SLC9A9: variants seen among roughly 807,000 people sequenced by gnomAD.
SLC9A9 encodes the protein solute carrier family 9 member A9.
In SLC9A9, 62 loss-of-function variants were observed where a neutral mutation model predicts 77.8. The observed-to-expected ratio is 0.80, with a 90% CI of 0.65 to 0.98. The LOEUF (loss-of-function observed/expected upper bound fraction) is 0.98. Among genes scored for constraint, SLC9A9 ranks in the 50% least tolerant of loss-of-function variants. The probability of loss-of-function intolerance (pLI) is 0.00; values close to 1 mark genes in which losing one functional copy is unlikely to be tolerated. For synonymous variants in SLC9A9, 320 were observed against 283.5 expected (o/e 1.13, Z -1.29); for missense variants, 775 against 774.9 (o/e 1.00, Z 0.00).
At chr3:143,294,466 T>C (rs1447776476) in intron 14 of SLC9A9, among the ~76,000 whole-genome samples, 1 of 152,200 alleles carries the variant, frequency 6.6e-6, no homozygotes, top group Non-Finnish European at 1.5e-5. Context: ...AGAAATCTAT[T>C]AAAAGAGCCT....
intron 9 of SLC9A9, among the ~76,000 whole-genome samples, chr3:143,549,350 C>A (rs141778286): frequency 2.3e-4 from 35 of 151,642 alleles, no homozygotes; most frequent in Non-Finnish European, 3.4e-4. Flanking sequence ...CATAGATATG[C>A]AAGTATGTAT....
At chr3:143,765,925 A>G (rs2007299172) in intron 4 of SLC9A9, among the ~76,000 whole-genome samples, 1 of 152,222 alleles carries the variant, frequency 6.6e-6, no homozygotes, top group African/African-American at 2.4e-5. Context: ...CATCTCAGCC[A>G]AAACCATGAA....
intron 12 of SLC9A9, among the ~76,000 whole-genome samples, chr3:143,400,002 T>G (rs2033815845): frequency 6.6e-6 from 1 of 152,204 alleles, no homozygotes; most frequent in Admixed American, 6.5e-5. Flanking sequence ...CAAACCTAGA[T>G]GTAGTTCATG....
In SLC9A9 at chr3:143,763,601, A is replaced by T. The variant is rs1032109849; in HGVS notation, c.533+31400T>A. 2.0e-5 allele frequency among the ~76,000 whole-genome samples: 3 copies of T among 152,140 alleles called. No individual in the cohort carries two copies. The South Asian group carries it at 6.2e-4, about 32-fold the overall frequency. On this transcript the variant is annotated intron_variant, in intron 4 of 15. Coordinates refer to ENST00000316549, the MANE Select transcript of SLC9A9 (RefSeq NM_173653.4). Reference sequence around the variant, plus strand: ...AGGTGTTACTAAAAACCTTTGAAGAACTTGTTTGTACATGCCAGATTTTCT... The same window carrying T: ...AGGTGTTACTAAAAACCTTTGAAGATCTTGTTTGTACATGCCAGATTTTCT...
intron 6 of SLC9A9, among the ~76,000 whole-genome samples, chr3:143,611,926 G>A (rs914926063): frequency 3.9e-5 from 6 of 152,138 alleles, no homozygotes; most frequent in Admixed American, 3.3e-4. Context: ...TTTAGAGATA[G>A]GGTCTCACTA....
At chr3:143,466,448 A>G (rs920046628) in intron 12 of SLC9A9, among the ~76,000 whole-genome samples, 9 of 152,222 alleles carry the variant, frequency 5.9e-5, no homozygotes, top group African/African-American at 2.2e-4. Flanking sequence ...TCAGGTTTAT[A>G]GCAATCATCT....
intron 5 of SLC9A9, among the ~76,000 whole-genome samples, chr3:143,690,801 C>T (rs1576661984): frequency 6.6e-6 from 1 of 151,980 alleles, no homozygotes; most frequent in Non-Finnish European, 1.5e-5. Context: ...GATTATTTGC[C>T]CTGCTTTTGT....
At chr3:143,604,887 T>A (rs1255038805) in intron 6 of SLC9A9, among the ~76,000 whole-genome samples, 4 of 152,190 alleles carry the variant, frequency 2.6e-5, no homozygotes, top group Admixed American at 6.5e-5. Context: ...CAATTCTTAT[T>A]CATTGCCCAC....
chr3:143,439,811 A>ACTGCCTTCC (rs772722329), intron 12 of SLC9A9, among the ~76,000 whole-genome samples: 16,877 of 152,062 alleles, frequency 0.11, 1,250 homozygotes, highest in Non-Finnish European at 0.16. Context: ...GGCAGGTGGG[A>ACTGCCTTCC]AGGAGGTGGT....
At chr3:143,411,389 G>A (rs1008571974) in intron 12 of SLC9A9, among the ~76,000 whole-genome samples, 24 of 152,072 alleles carry the variant, frequency 1.6e-4, no homozygotes, top group Non-Finnish European at 1.8e-4. Context: ...CCTTCCACCT[G>A]CTACTTCATA....
At chr3:143,566,035 C>A (rs1382892360) in intron 8 of SLC9A9, among the ~76,000 whole-genome samples, 1 of 152,066 alleles carries the variant, frequency 6.6e-6, no homozygotes, top group East Asian at 1.9e-4. Flanking sequence ...AGTTTGAAAA[C>A]AATTTTTGCC....
chr3:143,444,795 G>T (rs114233257), intron 12 of SLC9A9, among the ~76,000 whole-genome samples: 1 of 152,184 alleles, frequency 6.6e-6, no homozygotes, highest in African/African-American at 2.4e-5. Flanking sequence ...CAGAGGAAAA[G>T]GAAGAGGTAA....
intron 9 of SLC9A9, among the ~76,000 whole-genome samples, chr3:143,497,974 T>G (rs867274195): frequency 1.4e-4 from 21 of 152,232 alleles, no homozygotes; most frequent in African/African-American, 4.8e-4. Flanking sequence ...TTTTTCTATT[T>G]GTTATTGAGA....
rs143844898 is a variant in SLC9A9 at position 143,633,329 on chromosome 3, G to T, written c.755+18926C>A. Among the ~76,000 whole-genome samples, 460 of 152,230 alleles carry T rather than the reference G, an allele frequency of 3.0e-3. 2 individuals are homozygous for T. The highest frequency in any genetic ancestry group is 9.4e-3 in the African/African-American group (391 of 41,560). On this transcript the variant is annotated intron_variant, in intron 6 of 15. Coordinates refer to ENST00000316549, the MANE Select transcript of SLC9A9 (RefSeq NM_173653.4). Reference sequence around the variant, plus strand: ...CCTTAAAGATTAAGGCTATGTAAAAGTATATAGAGTAAAAACCCTTTTACT... The same window carrying T: ...CCTTAAAGATTAAGGCTATGTAAAATTATATAGAGTAAAAACCCTTTTACT...
intron 12 of SLC9A9, among the ~76,000 whole-genome samples, chr3:143,416,396 C>T (rs887239759): frequency 2.0e-5 from 3 of 152,016 alleles, no homozygotes; most frequent in Non-Finnish European, 2.9e-5. Flanking sequence ...ATGTGGCAAA[C>T]CTCATGATTG....
intron 14 of SLC9A9, among the ~76,000 whole-genome samples, chr3:143,353,979 T>C (rs757410740): frequency 1.3e-5 from 2 of 152,128 alleles, no homozygotes; most frequent in Admixed American, 6.5e-5. Context: ...AAGTATAAAA[T>C]ATTAACAAGA....
intron 5 of SLC9A9, among the ~76,000 whole-genome samples, chr3:143,666,137 C>T (rs71416647): frequency 4.6e-5 from 7 of 152,242 alleles, no homozygotes; most frequent in East Asian, 3.9e-4. Context: ...TTATCCACCA[C>T]GATCAAGTCA....
chr3:143,534,661 C>T (rs767373821), intron 9 of SLC9A9, among the ~76,000 whole-genome samples: 19 of 152,142 alleles, frequency 1.2e-4, no homozygotes, highest in Non-Finnish European at 2.6e-4. Context: ...CTGGCACCTA[C>T]CTGCGCCCCA....
intron 9 of SLC9A9, among the ~76,000 whole-genome samples, chr3:143,539,257 T>G (rs2108628375): frequency 6.6e-6 from 1 of 152,336 alleles, no homozygotes; most frequent in Non-Finnish European, 1.5e-5. Context: ...ACTTGTTAGA[T>G]TTCCCTCTCG....
Sources: allele counts gnomAD v4.1 joint callset (sites outside exome capture counted in the v4.1 genomes callset), GRCh38; gene constraint gnomAD v4.1.1; transcripts MANE v1.5; gene names NCBI Gene and HGNC (gene_info 2026-07-23, HGNC 2026-07-21).